The following MDGA2 variants were observed in gnomAD, a reference collection of about 807,000 sequenced individuals.
The protein encoded by MDGA2 is MAM domain-containing glycosylphosphatidylinositol anchor protein 2.
Under a neutral mutation model 117.8 loss-of-function variants are expected in MDGA2, and 40 were observed. That is an observed-to-expected ratio of 0.34 (90% CI 0.26 to 0.44). The LOEUF (loss-of-function observed/expected upper bound fraction) is 0.44. MDGA2 is among the 20% of genes least tolerant of loss of function. MDGA2 has a pLI of 1.00. For synonymous variants in MDGA2, 452 were observed against 439.0 expected, an observed-to-expected ratio of 1.03 and a Z score of -0.37; for missense variants, 1,123 against 1,250.6, an observed-to-expected ratio of 0.90 and a Z score of 1.54.
At chr14:47,409,744 A>G (rs1384578388) in intron 1 of MDGA2, among the ~76,000 whole-genome samples, 2 of 152,150 alleles carry the variant, frequency 1.3e-5, no homozygotes, top group African/African-American at 2.4e-5. Context: ...ATTTTTTTTA[A>G]GAAAGAAAAC....
intron 1 of MDGA2, among the ~76,000 whole-genome samples, chr14:47,438,968 A>G (rs1040344102): frequency 1.3e-5 from 2 of 152,160 alleles, no homozygotes; most frequent in Admixed American, 6.6e-5. Flanking sequence ...ATCTTTCTAC[A>G]TGACTAATTT....
intron 1 of MDGA2, among the ~76,000 whole-genome samples, chr14:47,314,048 C>G (rs1326392970): frequency 1.3e-5 from 2 of 152,136 alleles, no homozygotes; most frequent in Non-Finnish European, 2.9e-5. Flanking sequence ...TTTTTAAAAA[C>G]ACAGTTTGAG....
intron 1 of MDGA2, chr14:47,343,338 A>G: frequency 1.1e-6 from 1 of 875,752 alleles, no homozygotes; most frequent in Non-Finnish European, 1.4e-6. Context: ...TGAACTGAAT[A>G]CTCCCACAGC....
intron 1 of MDGA2, among the ~76,000 whole-genome samples, chr14:47,658,137 T>G (rs1378949915): frequency 1.3e-5 from 2 of 151,852 alleles, no homozygotes; most frequent in East Asian, 1.9e-4. Context: ...TTTGGGCTCC[T>G]TATGCAAAAG....
chr14:47,280,346 A>T (rs1042829288), intron 2 of MDGA2, among the ~76,000 whole-genome samples: 21 of 138,032 alleles, frequency 1.5e-4, no homozygotes, highest in African/African-American at 5.0e-4. Flanking sequence ...AAAAAAAAAG[A>T]GAGATTGTCA....
chr14:47,079,845 C>A (rs945185888), intron 6 of MDGA2, among the ~76,000 whole-genome samples: 4 of 146,938 alleles, frequency 2.7e-5, no homozygotes, highest in African/African-American at 1.0e-4. Flanking sequence ...CATTCTCCTG[C>A]CTCAGCCTCC....
intron 2 of MDGA2, among the ~76,000 whole-genome samples, chr14:47,240,408 G>A (rs1284468078): frequency 6.6e-6 from 1 of 151,790 alleles, no homozygotes; most frequent in African/African-American, 2.4e-5. Flanking sequence ...CCGGGTTATA[G>A]GAGTGTGTTA....
intron 3 of MDGA2, among the ~76,000 whole-genome samples, chr14:47,203,167 A>G (rs1885571310): frequency 1.3e-5 from 2 of 152,000 alleles, no homozygotes; most frequent in South Asian, 4.1e-4. Flanking sequence ...ATAACAAGGT[A>G]GAAGCATTTC....
intron 2 of MDGA2, among the ~76,000 whole-genome samples, chr14:47,246,040 C>A (rs1887227175): frequency 6.6e-6 from 1 of 151,840 alleles, no homozygotes; most frequent in Non-Finnish European, 1.5e-5. Flanking sequence ...CAGATAGATT[C>A]TTTGGCTCAG....
At chr14:47,089,050 G>A (rs1024966755) in intron 6 of MDGA2, among the ~76,000 whole-genome samples, 1 of 152,014 alleles carries the variant, frequency 6.6e-6, no homozygotes, top group South Asian at 2.1e-4. Context: ...AGAAAACAAT[G>A]TTACTAAGAA....
intron 7 of MDGA2, chr14:47,059,308 G>A: frequency 7.9e-7 from 1 of 1,269,508 alleles, no homozygotes; most frequent in Non-Finnish European, 1.0e-6. Flanking sequence ...TCTATCTGTA[G>A]TTAAGTGGGT....
At position 46,840,761 on chromosome 14, in the gene MDGA2, T is replaced by G. The variant is rs1880575478; in HGVS notation, c.*1170A>C. The G allele has an allele frequency of 6.6e-6, 1 of 152,548 alleles. No individual in the cohort carries two copies. Among genetic ancestry groups the G allele is most frequent in the South Asian group, 2.1e-4 (1 of 4,832 alleles). 9.4% of individuals were successfully genotyped at this position (152,548 alleles called of 1,614,324 possible). A position where few individuals can be genotyped will look rare whatever the true frequency, so the allele number is the denominator to read the frequency against. ...TAGAGTAAAAAAATCACTTTTGTGT[T>G]TTACCACCTTCTGCACTAAGTATTC... On this transcript the variant is annotated 3_prime_UTR_variant, in exon 17 of 17. Transcript: ENST00000399232.
intron 1 of MDGA2, among the ~76,000 whole-genome samples, chr14:47,561,829 C>G (rs1321871465): frequency 6.6e-6 from 1 of 152,124 alleles, no homozygotes; most frequent in Non-Finnish European, 1.5e-5. Context: ...ATATTTCTAG[C>G]TTTTGCCCAT....
At chr14:47,146,179 G>A (rs1003606949) in intron 3 of MDGA2, among the ~76,000 whole-genome samples, 5 of 152,102 alleles carry the variant, frequency 3.3e-5, no homozygotes, top group Admixed American at 6.6e-5. Flanking sequence ...GAGAATCAAA[G>A]TAAAGAACAG....
chr14:47,654,185 T>C (rs542930459), intron 1 of MDGA2, among the ~76,000 whole-genome samples: 2 of 152,174 alleles, frequency 1.3e-5, no homozygotes, highest in African/African-American at 4.8e-5. Flanking sequence ...GCTCTAGATA[T>C]GGTTGAATTC....
intron 6 of MDGA2, among the ~76,000 whole-genome samples, chr14:47,079,877 G>A (rs899836663): frequency 1.4e-4 from 21 of 151,702 alleles, no homozygotes; most frequent in African/African-American, 2.9e-4. Flanking sequence ...GACTACAGGC[G>A]CCCGCCACCA....
At chr14:47,597,452 G>A (rs909891277) in intron 1 of MDGA2, among the ~76,000 whole-genome samples, 1 of 151,804 alleles carries the variant, frequency 6.6e-6, no homozygotes, top group African/African-American at 2.4e-5. Context: ...ATGAACGTAA[G>A]TTAATAATGT....
intron 10 of MDGA2, 57 bp from the exon 11 acceptor site, chr14:46,882,278 G>A: frequency 7.0e-7 from 1 of 1,426,528 alleles, no homozygotes; most frequent in Non-Finnish European, 9.4e-7. Flanking sequence ...GAGGTACTAA[G>A]AAAATTGAAA....
chr14:47,318,626 C>A (rs1014572369), intron 1 of MDGA2, among the ~76,000 whole-genome samples: 1 of 152,094 alleles, frequency 6.6e-6, no homozygotes, highest in Non-Finnish European at 1.5e-5. Flanking sequence ...GCAAGAACGG[C>A]ACCTGATTTT....
Sources: gnomAD v4.1 joint callset for allele counts (sites outside exome capture counted in the v4.1 genomes callset) on GRCh38, gnomAD v4.1.1 for gene constraint, MANE v1.5 for transcripts, NCBI Gene and HGNC (gene_info 2026-07-23, HGNC 2026-07-21) for gene names.